Variants in RABGAP1L observed in about 807,000 individuals in gnomAD.
RABGAP1L encodes the protein rab GTPase-activating protein 1-like.
In RABGAP1L, 63 loss-of-function variants were observed where a neutral mutation model predicts 137.7. That is an observed-to-expected ratio of 0.46 (90% CI 0.37 to 0.56). RABGAP1L has a LOEUF of 0.56. Ranked by LOEUF, RABGAP1L falls within the 20% of genes least tolerant of loss-of-function variation. The pLI, the probability that RABGAP1L is intolerant of heterozygous loss-of-function variation, is 0.00. For missense variants in RABGAP1L, 1,095 were observed against 1,244.0 expected (o/e 0.88, Z 1.80); for synonymous variants, 431 against 433.7 (o/e 0.99, Z 0.08).
chr1:174,643,925 G>A (rs1032631011), intron 14 of RABGAP1L, among the ~76,000 whole-genome samples: 1 of 132,186 alleles, frequency 7.6e-6, no homozygotes, highest in Non-Finnish European at 1.5e-5. Context: ...GGGTGTGTGT[G>A]TGTGTGTGTG....
intron 19 of RABGAP1L, chr1:174,948,763 G>T (rs1341623344): frequency 6.6e-6 from 1 of 152,048 alleles, no homozygotes; most frequent in Non-Finnish European, 1.5e-5. Context: ...GAATGTGCTC[G>T]ATCCATCCCA....
chr1:174,357,848 G>T (rs1394719765), intron 11 of RABGAP1L, among the ~76,000 whole-genome samples: 6 of 152,214 alleles, frequency 3.9e-5, no homozygotes, highest in African/African-American at 1.4e-4. Context: ...TTTGTTAAAT[G>T]ATAATGGCTT....
chr1:174,162,305 G>T (rs1007803689), intron 1 of RABGAP1L, among the ~76,000 whole-genome samples: 1 of 152,028 alleles, frequency 6.6e-6, no homozygotes, highest in Non-Finnish European at 1.5e-5. Flanking sequence ...ACTTGAATTT[G>T]CTCAGCCATT....
chr1:174,611,452 A>G (rs926758922), intron 13 of RABGAP1L, among the ~76,000 whole-genome samples: 6 of 150,812 alleles, frequency 4.0e-5, no homozygotes, highest in African/African-American at 1.5e-4. Flanking sequence ...TGTTTTGGTT[A>G]CTGTAGCCTT....
At chr1:174,171,148 G>C (rs544992793) in intron 1 of RABGAP1L, among the ~76,000 whole-genome samples, 1 of 152,272 alleles carries the variant, frequency 6.6e-6, no homozygotes, top group South Asian at 2.1e-4. Flanking sequence ...AATAACAGGT[G>C]ACCTATAAGA....
At chr1:174,717,290 C>T (rs372290746) in intron 17 of RABGAP1L, among the ~76,000 whole-genome samples, 15 of 152,124 alleles carry the variant, frequency 9.9e-5, no homozygotes, top group African/African-American at 3.4e-4. Flanking sequence ...CACAACTGTA[C>T]TCCCAGTTAC....
intron 10 of RABGAP1L, among the ~76,000 whole-genome samples, chr1:174,304,306 A>G (rs1199028554): frequency 1.3e-5 from 2 of 152,082 alleles, no homozygotes; most frequent in South Asian, 2.1e-4. Context: ...GTATGTGTAT[A>G]TGTATAAAAT....
At chr1:174,752,531 TA>T (rs1450720027) in intron 18 of RABGAP1L, among the ~76,000 whole-genome samples, 177 bp downstream of exon 18, 1 of 152,142 alleles carries the variant, frequency 6.6e-6, no homozygotes, top group East Asian at 1.9e-4. Flanking sequence ...TGTTGTTGTT[TA>T]TTTGGAGTCT....
At chr1:174,913,910 C>A (rs1660443571) in intron 19 of RABGAP1L, among the ~76,000 whole-genome samples, 1 of 152,170 alleles carries the variant, frequency 6.6e-6, no homozygotes, top group Admixed American at 6.5e-5. Context: ...TTGAGGAACA[C>A]TCTTTAAATA....
At chr1:174,671,088 T>A (rs765226012) in intron 14 of RABGAP1L, among the ~76,000 whole-genome samples, 1 of 152,132 alleles carries the variant, frequency 6.6e-6, no homozygotes, top group Non-Finnish European at 1.5e-5. Context: ...AACCTGTAGA[T>A]GTTTTAAATG....
intron 5 of RABGAP1L, chr1:174,244,508 G>C (rs754592489): frequency 6.6e-6 from 1 of 152,206 alleles, no homozygotes; most frequent in Admixed American, 6.5e-5. Flanking sequence ...TCCCACAGAA[G>C]GGTTAGGACA....
intron 13 of RABGAP1L, among the ~76,000 whole-genome samples, chr1:174,413,655 T>C (rs1308918887): frequency 6.6e-6 from 1 of 152,146 alleles, no homozygotes; most frequent in Non-Finnish European, 1.5e-5. Context: ...ATTTTATTTT[T>C]TCTGTACCCT....
At chr1:174,599,093 T>C (rs764679548) in intron 13 of RABGAP1L, among the ~76,000 whole-genome samples, 6 of 152,164 alleles carry the variant, frequency 3.9e-5, no homozygotes, top group Admixed American at 2.0e-4. Flanking sequence ...TTTTGTGTGT[T>C]TGTATCTGTT....
At chr1:174,355,356 C>T (rs1197151328) in intron 11 of RABGAP1L, among the ~76,000 whole-genome samples, 14 of 150,920 alleles carry the variant, frequency 9.3e-5, no homozygotes, top group Non-Finnish European at 1.5e-4. Flanking sequence ...AGCAAACTAT[C>T]GCAAGGACAA....
At chr1:174,636,620 T>C (rs540655361) in intron 13 of RABGAP1L, among the ~76,000 whole-genome samples, 9 of 152,244 alleles carry the variant, frequency 5.9e-5, no homozygotes, top group African/African-American at 2.2e-4. Context: ...CTGGGAAAGA[T>C]TGACAGTATT....
intron 10 of RABGAP1L, among the ~76,000 whole-genome samples, chr1:174,280,048 G>GGAGGGA (rs1476116577): frequency 0.038 from 4,696 of 125,172 alleles, 111 homozygotes; most frequent in Non-Finnish European, 0.057. Context: ...CTGTCTGCCT[G>GGAGGGA]GAGAGAGAGA....
chr1:174,461,618 ACAGTAGTTCTTGGGTCTCTTC>A (rs1275585754), intron 13 of RABGAP1L, among the ~76,000 whole-genome samples: 9 of 152,164 alleles, frequency 5.9e-5, no homozygotes, highest in Non-Finnish European at 1.0e-4. Flanking sequence ...GTCAGAGTTA[ACAGTAGTTCTTGGGTCTCTTC>A]CAGTAGTTCT....
chr1:174,540,535 A>G (rs915265947), intron 13 of RABGAP1L, among the ~76,000 whole-genome samples: 4 of 152,182 alleles, frequency 2.6e-5, no homozygotes, highest in Non-Finnish European at 5.9e-5. Context: ...TCCCAGCACC[A>G]TTTATTAAAT....
At chr1:174,734,830 T>C (rs1278674996) in intron 17 of RABGAP1L, among the ~76,000 whole-genome samples, 1 of 152,208 alleles carries the variant, frequency 6.6e-6, no homozygotes, top group Non-Finnish European at 1.5e-5. Flanking sequence ...CTTATTTATA[T>C]GCCTAAAATT....
Sources: allele counts gnomAD v4.1 joint callset (sites outside exome capture counted in the v4.1 genomes callset), GRCh38; gene constraint gnomAD v4.1.1; transcripts MANE v1.5; gene names NCBI Gene and HGNC (gene_info 2026-07-23, HGNC 2026-07-21).